Variants in CNTNAP2 observed in about 807,000 individuals in gnomAD.
The protein encoded by CNTNAP2 is contactin-associated protein-like 2.
CNTNAP2 carries 98 observed loss-of-function variants against 155.2 expected under a neutral mutation model. The observed-to-expected ratio is 0.63, with a 90% confidence interval of 0.54 to 0.75. The LOEUF (loss-of-function observed/expected upper bound fraction) is 0.75, where lower values mean the gene tolerates loss of function less well. CNTNAP2 is among the 30% of genes least tolerant of loss of function. CNTNAP2 has a pLI of 0.00. For synonymous variants in CNTNAP2, 651 were observed against 631.2 expected, an observed-to-expected ratio of 1.03 and a Z score of -0.47; for missense variants, 1,727 against 1,688.1, an observed-to-expected ratio of 1.02 and a Z score of -0.40.
intron 9 of CNTNAP2, among the ~76,000 whole-genome samples, chr7:147,363,342 G>A (rs116360181): frequency 1.2e-3 from 186 of 152,212 alleles, no homozygotes; most frequent in African/African-American, 4.3e-3. Context: ...CTGTGAAAAA[G>A]GAATGTTATT....
intron 8 of CNTNAP2, among the ~76,000 whole-genome samples, chr7:147,285,648 T>C (rs936501877): frequency 1.3e-5 from 2 of 152,044 alleles, no homozygotes; most frequent in South Asian, 4.1e-4. Flanking sequence ...ATTTAAAAAG[T>C]CATTGACCAA....
intron 1 of CNTNAP2, among the ~76,000 whole-genome samples, chr7:146,568,515 C>G (rs1554449842): frequency 1.3e-5 from 2 of 152,104 alleles, no homozygotes; most frequent in Non-Finnish European, 2.9e-5. Context: ...TTTTCATAAA[C>G]TATGCTTGCT....
intron 2 of CNTNAP2, among the ~76,000 whole-genome samples, chr7:146,826,861 G>T (rs866792105): frequency 4.4e-3 from 647 of 148,530 alleles, no homozygotes; most frequent in Middle Eastern, 0.011. Flanking sequence ...TATATATAGA[G>T]AGAGAGAGAG....
At chr7:146,648,629 G>A (rs1055623483) in intron 1 of CNTNAP2, among the ~76,000 whole-genome samples, 3 of 152,014 alleles carry the variant, frequency 2.0e-5, no homozygotes, top group Non-Finnish European at 4.4e-5. Flanking sequence ...CAGATATTTT[G>A]TAAGCAATGA....
At chr7:146,995,956 A>G (rs1237240318) in intron 3 of CNTNAP2, among the ~76,000 whole-genome samples, 3 of 152,012 alleles carry the variant, frequency 2.0e-5, no homozygotes, top group Admixed American at 1.3e-4. Context: ...ACAAAACAAA[A>G]CAAACCTTGC....
chr7:147,297,464 A>G (rs1794851756), intron 8 of CNTNAP2, among the ~76,000 whole-genome samples: 1 of 152,216 alleles, frequency 6.6e-6, no homozygotes, highest in Admixed American at 6.5e-5. Flanking sequence ...AAGCTCAGAA[A>G]AGAAGGAATG....
At chr7:147,989,422 A>G (rs769703496) in intron 15 of CNTNAP2, among the ~76,000 whole-genome samples, 1 of 152,254 alleles carries the variant, frequency 6.6e-6, no homozygotes, top group Non-Finnish European at 1.5e-5. Context: ...AGTTTGCTCC[A>G]GTAAAGCCTG....
chr7:146,956,236 G>A (rs912809235), intron 3 of CNTNAP2, among the ~76,000 whole-genome samples: 6 of 152,122 alleles, frequency 3.9e-5, no homozygotes, highest in African/African-American at 1.4e-4. Context: ...AACCTTCAGA[G>A]ATATTCTGCA....
intron 3 of CNTNAP2, among the ~76,000 whole-genome samples, chr7:146,846,339 TCAAA>T (rs5888224): frequency 0.96 from 146,002 of 151,970 alleles, 70,150 homozygotes; most frequent in East Asian, 1. Flanking sequence ...ATAATCTGCA[TCAAA>T]CAAACACTTT....
intron 1 of CNTNAP2, among the ~76,000 whole-genome samples, chr7:146,253,498 A>T (rs938913081): frequency 7.9e-5 from 12 of 152,234 alleles, no homozygotes; most frequent in African/African-American, 2.7e-4. Context: ...ACCCTTCCTC[A>T]GGTGTGAATA....
intron 3 of CNTNAP2, among the ~76,000 whole-genome samples, chr7:146,877,372 C>T (rs1795450704): frequency 6.6e-6 from 1 of 151,820 alleles, no homozygotes. Context: ...TAGTGTGGTG[C>T]CATGTGCCTG....
chr7:146,309,323 G>C (rs1317950915), intron 1 of CNTNAP2, among the ~76,000 whole-genome samples: 2 of 152,066 alleles, frequency 1.3e-5, no homozygotes, highest in Non-Finnish European at 2.9e-5. Context: ...CTGAAGAAGG[G>C]GTCTCTGTTA....
At chr7:147,238,078 G>A (rs1186448391) in intron 8 of CNTNAP2, among the ~76,000 whole-genome samples, 22 of 152,268 alleles carry the variant, frequency 1.4e-4, no homozygotes, top group Admixed American at 1.2e-3. Context: ...GCAGTGGCGC[G>A]ATCTCGGCTC....
At chr7:148,012,185 C>T (rs183843239) in intron 15 of CNTNAP2, among the ~76,000 whole-genome samples, 3 of 152,306 alleles carry the variant, frequency 2.0e-5, no homozygotes, top group South Asian at 2.1e-4. Flanking sequence ...CCCAAAGTGT[C>T]GGGATTACAC....
chr7:146,581,740 T>C (rs895970124), intron 1 of CNTNAP2, among the ~76,000 whole-genome samples: 6 of 152,126 alleles, frequency 3.9e-5, no homozygotes, highest in Non-Finnish European at 8.8e-5. Context: ...ATGAAATTTA[T>C]GTTTTAAGCT....
In CNTNAP2 at chr7:147,865,503, T is replaced by C. The variant is rs561458178; in HGVS notation, c.2099-38062T>C. ...ATTGGAATAGTTTCAGAAGGAATGATACCAGCTCCTCTTTGTACCTCTGGT... is the reference window on the plus strand; with the variant it reads ...ATTGGAATAGTTTCAGAAGGAATGACACCAGCTCCTCTTTGTACCTCTGGT... On this transcript the variant is annotated intron_variant, in intron 13 of 23. Coordinates refer to ENST00000361727, the MANE Select transcript of CNTNAP2 (RefSeq NM_014141.6). Among the ~76,000 whole-genome samples the C allele has an allele frequency of 1.3e-5, 2 of 152,238 alleles. 1 individual carries two copies. Among genetic ancestry groups the C allele is most frequent in the Admixed American group, 1.3e-4 (2 of 15,286 alleles).
At chr7:146,290,005 G>T (rs569742856) in intron 1 of CNTNAP2, among the ~76,000 whole-genome samples, 3 of 152,072 alleles carry the variant, frequency 2.0e-5, no homozygotes, top group Non-Finnish European at 4.4e-5. Context: ...ATTGCTGGCA[G>T]AATAAGAAAA....
At chr7:146,732,233 A>C (rs1447410513) in intron 1 of CNTNAP2, among the ~76,000 whole-genome samples, 1 of 152,170 alleles carries the variant, frequency 6.6e-6, no homozygotes, top group Non-Finnish European at 1.5e-5. Flanking sequence ...TGCAAAGCAA[A>C]TATCATTTTT....
intron 14 of CNTNAP2, among the ~76,000 whole-genome samples, chr7:147,958,961 A>T (rs2116840207): frequency 6.6e-6 from 1 of 152,274 alleles, no homozygotes; most frequent in South Asian, 2.1e-4. Flanking sequence ...TGTCAGTGCA[A>T]CACATCTAAG....
Sources: allele counts gnomAD v4.1 joint callset (sites outside exome capture counted in the v4.1 genomes callset), GRCh38; gene constraint gnomAD v4.1.1; transcripts MANE v1.5; gene names NCBI Gene and HGNC (gene_info 2026-07-23, HGNC 2026-07-21).